SPMIP2: variants seen among roughly 807,000 people sequenced by gnomAD.
The protein encoded by SPMIP2 is protein SPMIP2.
the SPMIP2 span, among the ~76,000 whole-genome samples, chr4:158,930,781 A>C: frequency 2.0e-5 from 3 of 152,318 alleles, no homozygotes; most frequent in East Asian, 5.8e-4. Context: ...CACTGGGATT[A>C]GAGTCATGAG....
At chr4:159,004,854 G>C in the SPMIP2 span, among the ~76,000 whole-genome samples, 542 of 152,086 alleles carry the variant, frequency 3.6e-3, 4 homozygotes, top group African/African-American at 0.013. Flanking sequence ...CAGGTCAAGA[G>C]TGGTTTTGTT....
the SPMIP2 span, among the ~76,000 whole-genome samples, chr4:158,977,861 A>T: frequency 2.0e-5 from 3 of 152,032 alleles, no homozygotes; most frequent in African/African-American, 7.2e-5. Flanking sequence ...TGATCTGCGC[A>T]CCTCTGCCTC....
At chr4:159,074,782 T>C in the SPMIP2 span, among the ~76,000 whole-genome samples, 2 of 152,178 alleles carry the variant, frequency 1.3e-5, no homozygotes, top group African/African-American at 2.4e-5. Flanking sequence ...TCCATTATAT[T>C]ATTCATGTTA....
the SPMIP2 span, among the ~76,000 whole-genome samples, chr4:158,955,534 T>C: frequency 6.6e-6 from 1 of 152,102 alleles, no homozygotes; most frequent in Admixed American, 6.6e-5. Context: ...CCTCCTGGAG[T>C]ACCTGGGATC....
At chr4:158,928,022 A>G in the SPMIP2 span, among the ~76,000 whole-genome samples, 10 of 152,062 alleles carry the variant, frequency 6.6e-5, no homozygotes, top group African/African-American at 2.4e-4. Flanking sequence ...GAACCTCCTC[A>G]ATGAGCGCCG....
the SPMIP2 span, chr4:159,035,187 C>G: frequency 9.9e-7 from 1 of 1,010,164 alleles, no homozygotes; most frequent in South Asian, 1.4e-5. Flanking sequence ...ACTCTGCAGT[C>G]TTTCCTCTCC....
the SPMIP2 span, among the ~76,000 whole-genome samples, chr4:158,914,105 G>A: frequency 3.9e-5 from 6 of 152,106 alleles, no homozygotes; most frequent in Non-Finnish European, 8.8e-5. Context: ...TGATAGAGGC[G>A]TTTGGGATAA....
At chr4:158,955,131 T>G in the SPMIP2 span, among the ~76,000 whole-genome samples, 1 of 152,140 alleles carries the variant, frequency 6.6e-6, no homozygotes, top group African/African-American at 2.4e-5. Context: ...TCAAAATAGA[T>G]TAAAGATTTA....
At chr4:158,941,167 T>C in the SPMIP2 span, among the ~76,000 whole-genome samples, 2 of 152,162 alleles carry the variant, frequency 1.3e-5, no homozygotes, top group Non-Finnish European at 2.9e-5. Context: ...ACATATATAA[T>C]CTTCCAGTCA....
At chr4:159,013,209 A>G in the SPMIP2 span, among the ~76,000 whole-genome samples, 2 of 152,210 alleles carry the variant, frequency 1.3e-5, no homozygotes, top group Non-Finnish European at 2.9e-5. Flanking sequence ...GAGAAATGCC[A>G]TGAGATCCAG....
the SPMIP2 span, among the ~76,000 whole-genome samples, chr4:159,081,428 T>A: frequency 1.3e-5 from 2 of 152,122 alleles, no homozygotes; most frequent in Admixed American, 6.5e-5. Context: ...TGGTGGCTCA[T>A]GCCTGGAGTC....
At chr4:159,028,081 A>G in the SPMIP2 span, among the ~76,000 whole-genome samples, 1 of 152,128 alleles carries the variant, frequency 6.6e-6, no homozygotes, top group Non-Finnish European at 1.5e-5. Flanking sequence ...ACCCCATATA[A>G]ACAGGGAGCA....
chr4:158,942,961 A>T, the SPMIP2 span, among the ~76,000 whole-genome samples: 1 of 152,172 alleles, frequency 6.6e-6, no homozygotes, highest in African/African-American at 2.4e-5. Context: ...TTGGTACTAT[A>T]CTTGTCCATA....
At chr4:158,977,560 ATTTTTTGAAGGG>A in the SPMIP2 span, among the ~76,000 whole-genome samples, 89,549 of 130,538 alleles carry the variant, frequency 0.69, 28,768 homozygotes, top group Middle Eastern at 0.76. Flanking sequence ...GGATTCATTG[ATTTTTTGAAGGG>A]TTTTTTGTGT....
At chr4:158,988,444 G>A in the SPMIP2 span, among the ~76,000 whole-genome samples, 9 of 151,550 alleles carry the variant, frequency 5.9e-5, no homozygotes, top group Non-Finnish European at 1.0e-4. Flanking sequence ...AACAAAAAAA[G>A]AAAAAGGCCA....
At chr4:158,914,558 A>C in the SPMIP2 span, among the ~76,000 whole-genome samples, 1 of 152,218 alleles carries the variant, frequency 6.6e-6, no homozygotes, top group Non-Finnish European at 1.5e-5. Context: ...ACGCCTGCAA[A>C]GTTCATTGTG....
At chr4:159,080,913 C>T in the SPMIP2 span, among the ~76,000 whole-genome samples, 9 of 152,140 alleles carry the variant, frequency 5.9e-5, no homozygotes, top group Non-Finnish European at 1.0e-4. Flanking sequence ...TTAGTAGAGA[C>T]GGGTTTTCAC....
chr4:158,920,467 T>C, the SPMIP2 span, among the ~76,000 whole-genome samples: 1 of 152,118 alleles, frequency 6.6e-6, no homozygotes, highest in African/African-American at 2.4e-5. Context: ...ATATTAATAT[T>C]AATACTGTGG....
At chr4:158,984,827 A>C in the SPMIP2 span, among the ~76,000 whole-genome samples, 4,799 of 151,862 alleles carry the variant, frequency 0.032, 258 homozygotes, top group African/African-American at 0.11. Flanking sequence ...CCCTTCAAAA[A>C]ATTAATGAAT....
Sources: gnomAD v4.1 joint callset for allele counts (sites outside exome capture counted in the v4.1 genomes callset) on GRCh38, gnomAD v4.1.1 for gene constraint, MANE v1.5 for transcripts, NCBI Gene and HGNC (gene_info 2026-07-23, HGNC 2026-07-21) for gene names.